Variants in TENM4 observed in about 807,000 individuals in gnomAD.
The protein encoded by TENM4 is teneurin-4.
In TENM4, 82 loss-of-function variants were observed where a neutral mutation model predicts 243.3. The observed-to-expected ratio is 0.34, with a 90% CI of 0.28 to 0.40. The LOEUF is 0.40. TENM4 is among the 10% of genes least tolerant of loss of function. The pLI is 1.00. For missense variants in TENM4, 3,138 were observed against 3,673.3 expected (o/e 0.85, Z 3.77); for synonymous variants, 1,412 against 1,456.3 (o/e 0.97, Z 0.69).
At chr11:78,738,774 A>G (rs1236801696) in intron 19 of TENM4, among the ~76,000 whole-genome samples, 1 of 152,192 alleles carries the variant, frequency 6.6e-6, no homozygotes, top group African/African-American at 2.4e-5. Flanking sequence ...TCCTTGAGAG[A>G]ATTACTATTG....
In TENM4 at chr11:78,787,031, G is replaced by T; in HGVS notation, c.2232C>A (p.Cys744Ter). 1 of 1,557,632 alleles carries T rather than the reference G, an allele frequency of 6.4e-7. No individual in the cohort carries two copies. Among genetic ancestry groups the T allele is most frequent in the Non-Finnish European group, 8.7e-7 (1 of 1,150,602 alleles). Residue 744 changes from cysteine to a stop codon, truncating the protein, a stop_gained, in exon 16 of 34, where the codon TGC (cysteine) becomes TGA (stop). Transcript: ENST00000278550. LOFTEE classifies it high-confidence loss of function. ...CCCCCATCCAGCCATCCTCGCAGCG[G>T]CAGGTGCCCCCTACGCACACGCCAT... is the stretch of plus-strand genomic sequence containing the variant. ...GGHGVCVGGT[C>*]RCEDGWMGAA...
At chr11:78,972,351 C>T (rs927352023) in intron 6 of TENM4, among the ~76,000 whole-genome samples, 2 of 152,078 alleles carry the variant, frequency 1.3e-5, no homozygotes, top group African/African-American at 4.8e-5. Flanking sequence ...GGTCCCAGGC[C>T]ATTTGTCTCT....
chr11:78,994,072 C>T (rs1189507687), intron 6 of TENM4, among the ~76,000 whole-genome samples: 2 of 152,094 alleles, frequency 1.3e-5, no homozygotes, highest in Non-Finnish European at 2.9e-5. Flanking sequence ...TAGATTAGGC[C>T]TAAAGTAGCC....
At chr11:79,077,855 C>T (rs538506553) in intron 4 of TENM4, among the ~76,000 whole-genome samples, 22 of 152,144 alleles carry the variant, frequency 1.4e-4, no homozygotes, top group Non-Finnish European at 2.6e-4. Flanking sequence ...CCTCGGAGGA[C>T]CTGGTAGGGA....
chr11:78,704,170 T>TATATATATAC (rs1228357628), intron 27 of TENM4, among the ~76,000 whole-genome samples: 11 of 102,322 alleles, frequency 1.1e-4, no homozygotes, highest in African/African-American at 3.2e-4. Flanking sequence ...TATATATATA[T>TATATATATAC]ATATATATAT....
rs995214128 is a variant in TENM4 at position 78,862,870 on chromosome 11, G to A, written c.1255+92C>T. 3.4e-5 allele frequency: 43 copies of A among 1,251,088 alleles called. No homozygotes were observed. The South Asian group carries it at 1.1e-3, about 33-fold the overall frequency. 77.5% of individuals were successfully genotyped at this position (1,251,088 alleles called of 1,614,324 possible). A position where few individuals can be genotyped will look rare whatever the true frequency, so the allele number is the denominator to read the frequency against. ...GGAGCGCCAGAGCATGGAGCTGTGAGCCAGGCACATGATGCACGCACGTTA... is the reference window on the plus strand; with the variant it reads ...GGAGCGCCAGAGCATGGAGCTGTGAACCAGGCACATGATGCACGCACGTTA... On this transcript the variant is annotated intron_variant, in intron 10 of 33. Transcript: ENST00000278550.
intron 1 of TENM4, among the ~76,000 whole-genome samples, chr11:79,433,115 A>C (rs1209905646): frequency 6.6e-6 from 1 of 152,210 alleles, no homozygotes; most frequent in African/African-American, 2.4e-5. Context: ...GTCATTCTAC[A>C]AATATAAGCA....
Position 79,104,632 on chromosome 11 carries a change from A to G in TENM4, c.-65-34623T>C, listed in dbSNP as rs77849906. 9.3e-3 allele frequency among the ~76,000 whole-genome samples: 1,412 copies of G among 152,352 alleles called. 28 individuals are homozygous for G. Among genetic ancestry groups the G allele is most frequent in the African/African-American group, 0.033 (1,362 of 41,576 alleles). On this transcript the variant is annotated intron_variant, in intron 4 of 33. Coordinates refer to ENST00000278550, the MANE Select transcript of TENM4 (RefSeq NM_001098816.3). Reference sequence around the variant, plus strand: ...TGCAGGTGGACACTTAGGTTGCTCCAGGTCTTCCCATTATGATAAGCAATG... The same window carrying G: ...TGCAGGTGGACACTTAGGTTGCTCCGGGTCTTCCCATTATGATAAGCAATG...
chr11:78,709,522 C>T (rs1859349377), intron 26 of TENM4, among the ~76,000 whole-genome samples: 2 of 152,200 alleles, frequency 1.3e-5, no homozygotes, highest in African/African-American at 2.4e-5. Flanking sequence ...CTGTGTTTGT[C>T]TTCCCAGCTG....
At chr11:79,230,935 C>A (rs1369319332) in intron 2 of TENM4, among the ~76,000 whole-genome samples, 1 of 152,200 alleles carries the variant, frequency 6.6e-6, no homozygotes, top group Admixed American at 6.5e-5. Flanking sequence ...AGGCTGAGGG[C>A]TGCACATCCA....
chr11:78,971,612 AT>A (rs1182918226), intron 6 of TENM4, among the ~76,000 whole-genome samples: 1 of 152,194 alleles, frequency 6.6e-6, no homozygotes, highest in African/African-American at 2.4e-5. Context: ...CTTAAATAAG[AT>A]TTTTTATACA....
At chr11:79,328,114 A>G (rs1166239073) in intron 1 of TENM4, among the ~76,000 whole-genome samples, 1 of 152,232 alleles carries the variant, frequency 6.6e-6, no homozygotes, top group Non-Finnish European at 1.5e-5. Context: ...ACATTTAGCC[A>G]TCAGCTCTAT....
intron 2 of TENM4, among the ~76,000 whole-genome samples, chr11:79,292,833 G>A (rs965200009): frequency 4.6e-5 from 7 of 152,192 alleles, no homozygotes; most frequent in African/African-American, 1.7e-4. Context: ...ATCTTATAGG[G>A]TTGCTTTGAG....
chr11:79,334,734 G>A (rs75988590), intron 1 of TENM4, among the ~76,000 whole-genome samples: 1,601 of 152,302 alleles, frequency 0.011, 31 homozygotes, highest in African/African-American at 0.037. Context: ...ACAATCTTAT[G>A]ATCTTGAACA....
chr11:79,286,591 C>T (rs1856256543), intron 2 of TENM4, among the ~76,000 whole-genome samples: 2 of 151,886 alleles, frequency 1.3e-5, no homozygotes, highest in Admixed American at 6.6e-5. Flanking sequence ...ATTGATTGAA[C>T]CCAGGAGGCA....
At chr11:78,865,988 A>G (rs1195722383) in intron 9 of TENM4, among the ~76,000 whole-genome samples, 1 of 152,224 alleles carries the variant, frequency 6.6e-6, no homozygotes, top group East Asian at 1.9e-4. Context: ...TTGCATTTGT[A>G]CTGTTGATGA....
chr11:78,864,359 G>A (rs980263608), intron 9 of TENM4, among the ~76,000 whole-genome samples: 3 of 146,314 alleles, frequency 2.1e-5, no homozygotes, highest in South Asian at 2.1e-4. Context: ...AAGTGAACCT[G>A]GGAGGCGGAG....
At chr11:79,176,555 T>C (rs2135128224) in intron 3 of TENM4, among the ~76,000 whole-genome samples, 1 of 152,336 alleles carries the variant, frequency 6.6e-6, no homozygotes, top group South Asian at 2.1e-4. Flanking sequence ...AAAAAAACTA[T>C]TTAAAAGGCA....
chr11:79,194,008 G>T (rs1447419981), intron 3 of TENM4, among the ~76,000 whole-genome samples: 2 of 152,172 alleles, frequency 1.3e-5, no homozygotes, highest in Non-Finnish European at 2.9e-5. Flanking sequence ...ACCTGTTGTG[G>T]GAGGGACTCA....
Sources: allele counts gnomAD v4.1 joint callset (sites outside exome capture counted in the v4.1 genomes callset), GRCh38; gene constraint gnomAD v4.1.1; transcripts MANE v1.5; gene names NCBI Gene and HGNC (gene_info 2026-07-23, HGNC 2026-07-21).